Variants in SELENOI observed in about 807,000 individuals in gnomAD.
The protein encoded by SELENOI is ethanolaminephosphotransferase 1.
SELENOI carries 24 observed loss-of-function variants against 50.7 expected under a neutral mutation model. The observed-to-expected ratio is 0.47, with a 90% CI of 0.34 to 0.67. SELENOI has a LOEUF of 0.67. SELENOI is among the 30% of genes least tolerant of loss of function. SELENOI has a pLI of 0.01. For missense variants in SELENOI, 352 were observed against 461.4 expected (o/e 0.76, Z 2.17); for synonymous variants, 155 against 170.2 (o/e 0.91, Z 0.70).
intron 4 of SELENOI, among the ~76,000 whole-genome samples, chr2:26,370,932 ACCCCCCCACCTCCCTCCCGGAT>A: frequency 1.6e-5 from 1 of 63,122 alleles, no homozygotes; most frequent in Admixed American, 1.7e-4. Flanking sequence ...CGGGGGGCTG[ACCCCCCCACCTCCCTCCCGGAT>A]GGGGCGGCTG....
intron 4 of SELENOI, among the ~76,000 whole-genome samples, chr2:26,371,240 GA>G (rs1327450504): frequency 1.3e-5 from 2 of 151,448 alleles, no homozygotes; most frequent in Non-Finnish European, 2.9e-5. Context: ...GCCAGGCGGA[GA>G]GGCTCCTCAC....
intron 1 of SELENOI, among the ~76,000 whole-genome samples, chr2:26,347,774 A>T (rs774250333): frequency 2.0e-5 from 3 of 152,232 alleles, no homozygotes; most frequent in Non-Finnish European, 2.9e-5. Flanking sequence ...AGCAGTGTTT[A>T]TAATAGGAAA....
chr2:26,386,549 C>T lies in SELENOI; in HGVS notation c.1095+13C>T, dbSNP rs749913621. 8 of 1,548,252 alleles carry T rather than the reference C, an allele frequency of 5.2e-6. No homozygotes were observed. The Admixed American group carries it at 7.8e-5, about 15-fold the overall frequency. ...TGGAGTACGAGTGGTGAGTAATCTACAGCAAAATGGGTTCAATTTGGGGCT... is the reference window on the plus strand; with the variant it reads ...TGGAGTACGAGTGGTGAGTAATCTATAGCAAAATGGGTTCAATTTGGGGCT... On this transcript the variant is annotated intron_variant, in intron 9 of 9. Transcript: ENST00000260585.
chr2:26,347,220 G>C (rs1039249294), intron 1 of SELENOI, among the ~76,000 whole-genome samples: 2 of 151,874 alleles, frequency 1.3e-5, no homozygotes, highest in African/African-American at 4.8e-5. Context: ...CCCTCCCTAC[G>C]TGCCCCTTTC....
chr2:26,359,642 C>CA (rs1045910230), intron 1 of SELENOI, among the ~76,000 whole-genome samples: 16 of 150,580 alleles, frequency 1.1e-4, no homozygotes, highest in Middle Eastern at 6.8e-3. Flanking sequence ...GACTCTGTCT[C>CA]AAAAAAAAGA....
rs758350352 is a variant in SELENOI, at chr2:26,386,465, G to A, written c.1024G>A (p.Val342Ile). ...LVVNLGVASY[V>I]ESILLYTLTT... ...GGTAAACCTAGGAGTAGCCTCTTAC[G>A]TTGAGAGCATTCTCCTGTATACATT... Residue 342 changes from valine to isoleucine, a missense_variant, in exon 9 of 10, where the codon GTT becomes ATT. Physicochemically the swap from Val to Ile is conservative, Grantham distance 29. Transcript: ENST00000260585. 15 of 1,613,692 alleles carry A rather than the reference G, an allele frequency of 9.3e-6. No homozygotes were observed. In the African/African-American group the frequency reaches 9.4e-5, roughly 10 times the overall value.
At chr2:26,360,121 A>G (rs934823661) in intron 1 of SELENOI, among the ~76,000 whole-genome samples, 8 of 152,206 alleles carry the variant, frequency 5.3e-5, no homozygotes, top group African/African-American at 1.9e-4. Context: ...ACAAACATTA[A>G]CAAACCCAAA....
chr2:26,356,956 C>CCACACA (rs147570982), intron 1 of SELENOI, among the ~76,000 whole-genome samples: 2 of 151,424 alleles, frequency 1.3e-5, no homozygotes, highest in East Asian at 3.9e-4. Context: ...ATCCCTACCT[C>CCACACA]CACACACACA....
At chr2:26,364,695 C>T (rs561499422) in intron 2 of SELENOI, 137 bp from the exon 3 acceptor site, 253 of 604,954 alleles carry the variant, frequency 4.2e-4, no homozygotes, top group African/African-American at 1.2e-3. Flanking sequence ...TTATCGTTTA[C>T]GTGTTAATGT....
Position 26,367,196 on chromosome 2 carries a change from C to G in SELENOI, c.286C>G (p.Leu96Val). The change falls in exon 4 of 10, where the codon CTC becomes GTC. Residue 96 changes from leucine (L) to valine (V), a missense_variant. Transcript: ENST00000260585. The part of the protein sequence containing the change: ...PDWVWIVVGI[L>V]NFVAYTLDGV... ...CTGGGTTTGGATTGTAGTGGGCATC[C>G]TCAACTTCGTAGCCTACACTCTAGG... is the stretch of plus-strand genomic sequence containing the variant. The G allele has an allele frequency of 6.2e-7, 1 of 1,610,378 alleles. No homozygotes were observed. Among genetic ancestry groups the G allele is most frequent in the Non-Finnish European group, 8.5e-7 (1 of 1,178,318 alleles).
chr2:26,349,694 T>C (rs1676912059), intron 1 of SELENOI, among the ~76,000 whole-genome samples: 1 of 116,044 alleles, frequency 8.6e-6, no homozygotes, highest in Admixed American at 1.0e-4. Context: ...TTTTTTGTCC[T>C]GGTTTGCTCA....
In SELENOI at chr2:26,385,471, G is replaced by T. The variant is rs552185177; in HGVS notation, c.912+332G>T. ...TATTACCAGTATGGCTAAAATAGCTGCAGACTTAAATGATTATTCTAGGAA... is the reference window on the plus strand; with the variant it reads ...TATTACCAGTATGGCTAAAATAGCTTCAGACTTAAATGATTATTCTAGGAA... On this transcript the variant is annotated intron_variant, in intron 8 of 9. Transcript: ENST00000260585. Among the ~76,000 whole-genome samples, 8 of 152,296 alleles carry T rather than the reference G, an allele frequency of 5.3e-5. No homozygotes were observed. In the South Asian group the frequency reaches 1.7e-3, roughly 32 times the overall value.
In SELENOI at chr2:26,390,933, G is replaced by T. The variant is rs1015827910; in HGVS notation, c.*1830G>T. ...AGATTTCTAAGCTAATTATTTTACC[G>T]TTTTGTTGACCTTGTACACAAGAAT... On this transcript the variant is annotated 3_prime_UTR_variant, in exon 10 of 10. Transcript: ENST00000260585. The T allele has an allele frequency of 7.2e-5, 11 of 152,138 alleles. No homozygotes were observed. Among genetic ancestry groups the T allele is most frequent in the Admixed American group, 5.9e-4 (9 of 15,280 alleles). The allele number at this position is 152,138 out of a possible 1,614,324, so 9.4% of individuals were successfully genotyped here. A position where few individuals can be genotyped will look rare whatever the true frequency, so the allele number is the denominator to read the frequency against.
chr2:26,370,793 C>T (rs1434989798), intron 4 of SELENOI, among the ~76,000 whole-genome samples: 5 of 138,810 alleles, frequency 3.6e-5, no homozygotes, highest in African/African-American at 1.3e-4. Context: ...CAGAGGGGCT[C>T]CTCACCTCCC....
At chr2:26,358,884 C>A (rs115119857) in intron 1 of SELENOI, among the ~76,000 whole-genome samples, 1,647 of 152,234 alleles carry the variant, frequency 0.011, 36 homozygotes, top group African/African-American at 0.038. Context: ...ATATCTTGAG[C>A]AGCATAAGTT....
intron 8 of SELENOI, among the ~76,000 whole-genome samples, 177 bp downstream of exon 8, chr2:26,385,316 C>T (rs1677815988): frequency 6.6e-6 from 1 of 151,968 alleles, no homozygotes; most frequent in Non-Finnish European, 1.5e-5. Flanking sequence ...TTTTATTTTG[C>T]CCTTTGAAAC....
chr2:26,370,343 CA>C (rs1313693123), intron 4 of SELENOI, among the ~76,000 whole-genome samples: 1 of 151,790 alleles, frequency 6.6e-6, no homozygotes, highest in Non-Finnish European at 1.5e-5. Context: ...CCGCCATTGT[CA>C]TCCTGGCCCG....
intron 4 of SELENOI, among the ~76,000 whole-genome samples, chr2:26,367,768 C>T (rs1489925989): frequency 2.0e-5 from 3 of 152,070 alleles, no homozygotes; most frequent in South Asian, 2.1e-4. Flanking sequence ...GTACAGGGAG[C>T]GGTCAGGGAG....
In SELENOI at chr2:26,364,907, A is replaced by G; in HGVS notation, c.202A>G (p.Met68Val). 1.2e-6 allele frequency: 2 copies of G among 1,610,312 alleles called. No individual in the cohort carries two copies. The highest frequency in any genetic ancestry group is 1.7e-6 in the Non-Finnish European group (2 of 1,178,244). Reference sequence around the variant, plus strand: ...GCTGGTCGTATTCAATTTTCTGCTAATGGCATACTTTGATCCTGACTTTTA... The same window carrying G: ...GCTGGTCGTATTCAATTTTCTGCTAGTGGCATACTTTGATCCTGACTTTTA... ...FLLVVFNFLL[M>V]AYFDPDFYAS... The change falls in exon 3 of 10, where the codon ATG (methionine) becomes GTG (valine). Residue 68 changes from methionine to valine, a missense_variant. Transcript: ENST00000260585.
Sources: allele counts gnomAD v4.1 joint callset (sites outside exome capture counted in the v4.1 genomes callset), GRCh38; gene constraint gnomAD v4.1.1; transcripts MANE v1.5; gene names NCBI Gene and HGNC (gene_info 2026-07-23, HGNC 2026-07-21).